Variants in CALCR observed in about 807,000 individuals in gnomAD.
The protein encoded by CALCR is calcitonin receptor.
In CALCR, 47 loss-of-function variants were observed where a neutral mutation model predicts 59.5. The observed-to-expected ratio is 0.79, with a 90% CI of 0.63 to 1.01. The LOEUF (loss-of-function observed/expected upper bound fraction) is 1.01, where lower values mean the gene tolerates loss of function less well. Ranked by LOEUF, CALCR falls within the 50% of genes least tolerant of loss-of-function variation. CALCR has a pLI of 0.00. For synonymous variants in CALCR, 213 were observed against 211.3 expected (o/e 1.01, Z -0.07); for missense variants, 566 against 597.1 (o/e 0.95, Z 0.54).
Position 93,431,723 on chromosome 7 carries a change from C to G in CALCR, c.1191+2530G>C, listed in dbSNP as rs150106670. Among the ~76,000 whole-genome samples the G allele has an allele frequency of 4.6e-3, 698 of 152,290 alleles. 1 individual carries two copies. The highest frequency in any genetic ancestry group is 6.6e-3 in the Non-Finnish European group (450 of 68,008). On this transcript the variant is annotated intron_variant, in intron 13 of 13. Coordinates refer to ENST00000426151, the MANE Select transcript of CALCR (RefSeq NM_001742.4). ...CTACAGGAAATAAACAAAATTTTAGCTTTTGCACACTCCAATTTGTGACAG... is the reference window on the plus strand; with the variant it reads ...CTACAGGAAATAAACAAAATTTTAGGTTTTGCACACTCCAATTTGTGACAG...
intron 2 of CALCR, among the ~76,000 whole-genome samples, chr7:93,559,173 C>G (rs1789682336): frequency 6.6e-6 from 1 of 152,064 alleles, no homozygotes; most frequent in Admixed American, 6.6e-5. Flanking sequence ...CAAATTGTAA[C>G]TTTAAAAATT....
intron 2 of CALCR, among the ~76,000 whole-genome samples, chr7:93,566,330 T>TACATAGTGTGA (rs1789863017): frequency 6.6e-6 from 1 of 152,144 alleles, no homozygotes. Context: ...TCCTGAACTA[T>TACATAGTGTGA]TCCAGGTTAT....
rs1799520446 is a variant in CALCR, at chr7:93,426,123, C to T, written c.*233G>A. 2.1e-6 allele frequency: 1 copy of T among 477,132 alleles called. No individual in the cohort carries two copies. The highest frequency in any genetic ancestry group is 3.7e-6 in the Non-Finnish European group (1 of 270,896). 29.6% of individuals were successfully genotyped at this position (477,132 alleles called of 1,614,324 possible). A position where few individuals can be genotyped will look rare whatever the true frequency, so the allele number is the denominator to read the frequency against. On this transcript the variant is annotated 3_prime_UTR_variant, in exon 14 of 14. Transcript: ENST00000426151. ...TTACTGTGACATTTGCATCTCAGTC[C>T]TGGATGAATGATGGAGTTCACAAGT...
At chr7:93,546,613 G>C (rs59215277) in intron 2 of CALCR, among the ~76,000 whole-genome samples, 13,210 of 150,922 alleles carry the variant, frequency 0.088, 658 homozygotes, top group African/African-American at 0.1. Context: ...GTGCAGTGGT[G>C]GGATCACAGC....
intron 2 of CALCR, among the ~76,000 whole-genome samples, chr7:93,554,792 T>TATATATATATATA: frequency 2.6e-4 from 35 of 135,804 alleles, no homozygotes; most frequent in East Asian, 6.9e-4. Context: ...TATATATATA[T>TATATATATATATA]TATACGTACA....
rs1184238703 is a variant in CALCR at position 93,463,980 on chromosome 7, C to A, written c.522-3033G>T. 2.0e-5 allele frequency among the ~76,000 whole-genome samples: 3 copies of A among 152,034 alleles called. No individual in the cohort carries two copies. In the South Asian group the frequency reaches 6.2e-4, roughly 31 times the overall value. On this transcript the variant is annotated intron_variant, in intron 7 of 13. Coordinates refer to ENST00000426151, the MANE Select transcript of CALCR (RefSeq NM_001742.4). ...GAGACAACATAATTTACTTCTACAA[C>A]ATAATCTACCAATCAAGGTGTCATT...
chr7:93,450,720 T>C (rs1247503185), intron 8 of CALCR, among the ~76,000 whole-genome samples: 2 of 151,984 alleles, frequency 1.3e-5, no homozygotes, highest in African/African-American at 4.8e-5. Flanking sequence ...AGATAATTTC[T>C]TTTTATATTT....
At chr7:93,510,891 C>T (rs956229270) in intron 2 of CALCR, among the ~76,000 whole-genome samples, 5 of 151,632 alleles carry the variant, frequency 3.3e-5, no homozygotes, top group Non-Finnish European at 7.4e-5. Context: ...AACAAACAAA[C>T]AAAAATTATT....
chr7:93,457,319 G>C (rs59204430), intron 8 of CALCR, among the ~76,000 whole-genome samples: 1 of 152,152 alleles, frequency 6.6e-6, no homozygotes, highest in South Asian at 2.1e-4. Flanking sequence ...GAAGTGAGCA[G>C]AGCAGTTTTT....
At chr7:93,453,238 T>A (rs1409233286) in intron 8 of CALCR, among the ~76,000 whole-genome samples, 3 of 152,054 alleles carry the variant, frequency 2.0e-5, no homozygotes, top group Non-Finnish European at 2.9e-5. Context: ...GTGTGTCAGA[T>A]GACGTTTTGT....
At chr7:93,529,682 T>A (rs1352543779) in intron 2 of CALCR, among the ~76,000 whole-genome samples, 1 of 152,124 alleles carries the variant, frequency 6.6e-6, no homozygotes. Context: ...GACATACAAC[T>A]TTGATTAAAA....
chr7:93,568,515 C>CTCTCACTT (rs1789920774), intron 2 of CALCR, among the ~76,000 whole-genome samples: 1 of 41,102 alleles, frequency 2.4e-5, no homozygotes, highest in East Asian at 5.6e-4. Context: ...TACTTTCTCT[C>CTCTCACTT]TCTCTCTCTC....
intron 13 of CALCR, among the ~76,000 whole-genome samples, chr7:93,427,864 G>C (rs1799563609): frequency 1.3e-5 from 2 of 152,006 alleles, no homozygotes; most frequent in South Asian, 4.2e-4. Flanking sequence ...TCCTCAAAAA[G>C]CAACTAAAGG....
At chr7:93,538,631 TTTTG>T (rs1277828485) in intron 2 of CALCR, among the ~76,000 whole-genome samples, 1 of 152,024 alleles carries the variant, frequency 6.6e-6, no homozygotes, top group East Asian at 1.9e-4. Flanking sequence ...TTGTTTTTGT[TTTTG>T]TTTTTGTTTT....
At chr7:93,515,757 T>C (rs1563004120) in intron 2 of CALCR, among the ~76,000 whole-genome samples, 3 of 151,950 alleles carry the variant, frequency 2.0e-5, no homozygotes, top group African/African-American at 4.8e-5. Context: ...GCATCAGAAT[T>C]CAAAGCTGAG....
intron 2 of CALCR, among the ~76,000 whole-genome samples, chr7:93,573,389 C>T (rs971585904): frequency 1.3e-5 from 2 of 152,236 alleles, no homozygotes; most frequent in East Asian, 3.9e-4. Flanking sequence ...CTTCAATCAC[C>T]GAATAATTTC....
At chr7:93,504,888 C>G (rs1278638845) in intron 2 of CALCR, among the ~76,000 whole-genome samples, 1 of 152,116 alleles carries the variant, frequency 6.6e-6, no homozygotes, top group Non-Finnish European at 1.5e-5. Context: ...AAGACTTATG[C>G]AAGAATCTTA....
chr7:93,497,179 TA>T (rs756651727), intron 2 of CALCR, among the ~76,000 whole-genome samples: 9 of 151,454 alleles, frequency 5.9e-5, no homozygotes, highest in Admixed American at 1.3e-4. Flanking sequence ...ATTCAGATGA[TA>T]GGGGAAACAG....
chr7:93,531,377 T>A lies in CALCR; in HGVS notation c.-27+42912A>T, dbSNP rs529207707. Among the ~76,000 whole-genome samples, 436 of 152,176 alleles carry A rather than the reference T, an allele frequency of 2.9e-3. 2 individuals are homozygous for A. The highest frequency in any genetic ancestry group is 2.1e-3 in the Non-Finnish European group (143 of 68,014). On this transcript the variant is annotated intron_variant, in intron 2 of 13. Transcript: ENST00000426151. ...GCATACCAGCAGGGATTTGAGATAC[T>A]AAATTACTACCTTTGGTTTCTCATA...
Sources: allele counts gnomAD v4.1 joint callset (sites outside exome capture counted in the v4.1 genomes callset), GRCh38; gene constraint gnomAD v4.1.1; transcripts MANE v1.5; gene names NCBI Gene and HGNC (gene_info 2026-07-23, HGNC 2026-07-21).